Variants in ADGRG6 observed in about 807,000 individuals in gnomAD.
ADGRG6 encodes adhesion G protein-coupled receptor G6, also known as G-protein coupled receptor 126.
In ADGRG6, 84 loss-of-function variants were observed where a neutral mutation model predicts 142.4. That is an observed-to-expected ratio of 0.59 (90% CI 0.49 to 0.71). ADGRG6 has a LOEUF of 0.71. Among genes scored for constraint, ADGRG6 ranks in the 30% least tolerant of loss-of-function variants. ADGRG6 has a pLI of 0.00. For synonymous variants in ADGRG6, 521 were observed against 520.5 expected (o/e 1.00, Z -0.01); for missense variants, 1,367 against 1,466.6 (o/e 0.93, Z 1.11).
rs576045493 is a variant in ADGRG6 at position 142,442,536 on chromosome 6, C to T, written c.3575-801C>T. On this transcript the variant is annotated intron_variant, in intron 24 of 24. Transcript: ENST00000367609. ...TTTTAGAAAAAATTATTTAGCAGTC[C>T]TTTATTACTATCAGTTGCTATAATA... 1.3e-3 allele frequency among the ~76,000 whole-genome samples: 199 copies of T among 151,940 alleles called. 1 individual carries two copies. Among genetic ancestry groups the T allele is most frequent in the African/African-American group, 4.5e-3 (187 of 41,488 alleles).
Position 142,370,202 on chromosome 6 carries a change from T to C in ADGRG6, c.478T>C (p.Leu160=). 3.7e-6 allele frequency: 6 copies of C among 1,605,812 alleles called. No individual in the cohort carries two copies. Among genetic ancestry groups the C allele is most frequent in the Non-Finnish European group, 5.1e-6 (6 of 1,173,090 alleles). Residue 160 remains leucine, a synonymous_variant, in exon 4 of 25, where the codon TTA becomes CTA. Transcript: ENST00000367609. ...GTCCTTAAGGAATCAAAAGGTCATT[T>C]TACCCCAGACATCAGATGCTTACCA... ...AVSLRNQKVI[L]PQTSDAYQVS...
intron 6 of ADGRG6, among the ~76,000 whole-genome samples, chr6:142,385,743 TTAAG>T (rs1267574934): frequency 6.6e-6 from 1 of 151,938 alleles, no homozygotes; most frequent in Admixed American, 6.5e-5. Flanking sequence ...ACAGACTATA[TTAAG>T]TTTTTTTTCT....
intron 8 of ADGRG6, among the ~76,000 whole-genome samples, chr6:142,393,249 CAA>C (rs66470368): frequency 0.014 from 2,102 of 152,130 alleles, 60 homozygotes; most frequent in African/African-American, 0.048. Context: ...TATAATGTGT[CAA>C]AAATTAAAAT....
intron 12 of ADGRG6, 86 bp from the exon 13 acceptor site, chr6:142,402,534 A>T (rs1178622185): frequency 8.5e-6 from 6 of 704,672 alleles, no homozygotes; most frequent in Non-Finnish European, 1.5e-5. Flanking sequence ...CTGTAAAGTG[A>T]AATATTACAC....
At chr6:142,326,107 A>T (rs1021183890) in intron 2 of ADGRG6, among the ~76,000 whole-genome samples, 1 of 152,108 alleles carries the variant, frequency 6.6e-6, no homozygotes, top group African/African-American at 2.4e-5. Context: ...ATGCCTGTAA[A>T]AAACTAGTAG....
intron 1 of ADGRG6, among the ~76,000 whole-genome samples, chr6:142,303,359 A>G (rs1388931394): frequency 5.9e-5 from 9 of 152,124 alleles, no homozygotes; most frequent in African/African-American, 1.9e-4. Context: ...ACTTTCCTGC[A>G]CTTTCCATTC....
At chr6:142,351,336 G>A (rs1489738472) in intron 2 of ADGRG6, among the ~76,000 whole-genome samples, 1 of 152,058 alleles carries the variant, frequency 6.6e-6, no homozygotes, top group African/African-American at 2.4e-5. Context: ...AAAACAGCAT[G>A]GTACTGCACT....
At chr6:142,323,902 T>G (rs766226958) in intron 2 of ADGRG6, among the ~76,000 whole-genome samples, 5 of 152,028 alleles carry the variant, frequency 3.3e-5, no homozygotes, top group Admixed American at 6.6e-5. Context: ...CCTATACAGG[T>G]GTACCATATT....
intron 2 of ADGRG6, among the ~76,000 whole-genome samples, chr6:142,353,325 A>T (rs1444317623): frequency 6.6e-6 from 1 of 152,196 alleles, no homozygotes; most frequent in African/African-American, 2.4e-5. Flanking sequence ...GTGACAGTTT[A>T]ATCTCCCATG....
chr6:142,440,437 C>T (rs1280245054), intron 24 of ADGRG6, among the ~76,000 whole-genome samples: 1 of 152,082 alleles, frequency 6.6e-6, no homozygotes, highest in East Asian at 1.9e-4. Context: ...GCTGGGACTA[C>T]AGGTGTGCAC....
intron 22 of ADGRG6, among the ~76,000 whole-genome samples, chr6:142,433,035 G>A (rs1056232923): frequency 4.6e-5 from 7 of 152,142 alleles, no homozygotes; most frequent in African/African-American, 1.2e-4. Flanking sequence ...AAAGACCTTC[G>A]TTGAAGTTTA....
Position 142,370,199 on chromosome 6 carries a change from A to T in ADGRG6, c.475A>T (p.Ile159Phe). ...VAVSLRNQKVILPQTSDAYQV... is the reference protein window; with the variant it reads ...VAVSLRNQKVFLPQTSDAYQV... ...CGTGTCCTTAAGGAATCAAAAGGTCATTTTACCCCAGACATCAGATGCTTA... is the reference window on the plus strand; with the variant it reads ...CGTGTCCTTAAGGAATCAAAAGGTCTTTTTACCCCAGACATCAGATGCTTA... The change falls in exon 4 of 25, where the codon ATT becomes TTT. Residue 159 changes from isoleucine (I) to phenylalanine (F), a missense_variant. Coordinates refer to ENST00000367609, the MANE Select transcript of ADGRG6 (RefSeq NM_198569.3). The T allele has an allele frequency of 1.9e-6, 3 of 1,604,982 alleles. No homozygotes were observed. Among genetic ancestry groups the T allele is most frequent in the Non-Finnish European group, 2.6e-6 (3 of 1,172,440 alleles).
chr6:142,405,249 TGA>T (rs1775735702), intron 14 of ADGRG6: 1 of 438,854 alleles, frequency 2.3e-6, no homozygotes, highest in Admixed American at 2.5e-5. Flanking sequence ...AAATGCTATC[TGA>T]GAGTGTTCAT....
At chr6:142,431,237 T>C (rs1301842356) in intron 22 of ADGRG6, among the ~76,000 whole-genome samples, 1 of 152,114 alleles carries the variant, frequency 6.6e-6, no homozygotes, top group African/African-American at 2.4e-5. Context: ...TTTTTCCTTA[T>C]TGTTCTAGCA....
At chr6:142,395,790 T>G (rs1020746313) in intron 9 of ADGRG6, among the ~76,000 whole-genome samples, 1 of 152,196 alleles carries the variant, frequency 6.6e-6, no homozygotes, top group Non-Finnish European at 1.5e-5. Context: ...AGTCTCAGTT[T>G]TTGTCAAAAC....
At chr6:142,371,484 G>GT (rs1273994234) in intron 4 of ADGRG6, among the ~76,000 whole-genome samples, 4,883 of 93,154 alleles carry the variant, frequency 0.052, 167 homozygotes, top group Non-Finnish European at 0.068. Context: ...GTTTTTTTTT[G>GT]TTTTTTTTTT....
chr6:142,411,841 C>T (rs1357695387), intron 18 of ADGRG6, among the ~76,000 whole-genome samples: 3 of 152,092 alleles, frequency 2.0e-5, no homozygotes, highest in Non-Finnish European at 4.4e-5. Flanking sequence ...TGTTGTCACT[C>T]ATTCAATATA....
intron 15 of ADGRG6, among the ~76,000 whole-genome samples, chr6:142,407,439 A>G (rs1775865626): frequency 6.6e-6 from 1 of 152,210 alleles, no homozygotes; most frequent in Non-Finnish European, 1.5e-5. Flanking sequence ...ATTCCAAAAC[A>G]ACTGATTTGT....
In ADGRG6 at chr6:142,351,067, C is replaced by T. The variant is rs905873309; in HGVS notation, c.104-16502C>T. Among the ~76,000 whole-genome samples the T allele has an allele frequency of 5.3e-5, 8 of 152,068 alleles. No homozygotes were observed. The East Asian group carries it at 1.5e-3, about 29-fold the overall frequency. ...TGGCTAACACGGTGAAACCCCGTCT[C>T]TACTAAAAAAGAAAATACAAAAAAT... On this transcript the variant is annotated intron_variant, in intron 2 of 24. Transcript: ENST00000367609.
Sources: allele counts gnomAD v4.1 joint callset (sites outside exome capture counted in the v4.1 genomes callset), GRCh38; gene constraint gnomAD v4.1.1; transcripts MANE v1.5; gene names NCBI Gene and HGNC (gene_info 2026-07-23, HGNC 2026-07-21).